APLF: variants seen among roughly 807,000 people sequenced by gnomAD.
APLF encodes the protein aprataxin and PNKP like factor, also known as aprataxin and PNK-like factor.
In APLF, 61 loss-of-function variants were observed where a neutral mutation model predicts 55.6. The observed-to-expected ratio is 1.10, with a 90% confidence interval of 0.89 to 1.36. The LOEUF is 1.36. APLF is among the 40% of genes most tolerant of loss of function. The pLI is 0.00. For synonymous variants in APLF, 207 were observed against 214.8 expected (o/e 0.96, Z 0.32); for missense variants, 611 against 602.5 (o/e 1.01, Z -0.15).
chr2:68,547,766 T>C (rs1670745726), intron 8 of APLF, among the ~76,000 whole-genome samples: 1 of 151,700 alleles, frequency 6.6e-6, no homozygotes, highest in African/African-American at 2.4e-5. Context: ...TGTTTGTAAA[T>C]TACCCAGTCT....
rs763294351 is a variant in APLF, at chr2:68,527,661, G to C, written c.804+1419G>C. ...GCGCTCCTCACTTCCCAGACAGGGC[G>C]GCGGCCTGGCAGAGGCACTTCTCAC... On this transcript the variant is annotated intron_variant, in intron 6 of 9. Coordinates refer to ENST00000303795, the MANE Select transcript of APLF (RefSeq NM_173545.3). 2.9e-4 allele frequency among the ~76,000 whole-genome samples: 44 copies of C among 149,530 alleles called. 1 individual carries two copies. Among genetic ancestry groups the C allele is most frequent in the Admixed American group, 2.0e-4 (3 of 15,080 alleles).
At chr2:68,519,028 T>C (rs1669798335) in intron 5 of APLF, among the ~76,000 whole-genome samples, 1 of 124,438 alleles carries the variant, frequency 8.0e-6, no homozygotes, top group South Asian at 2.2e-4. Context: ...ATATATAATA[T>C]ATGATTAATA....
At chr2:68,499,927 G>A (rs6761499) in intron 2 of APLF, among the ~76,000 whole-genome samples, 14,574 of 152,082 alleles carry the variant, frequency 0.096, 2,052 homozygotes, top group African/African-American at 0.31. Flanking sequence ...GGTGTTATTA[G>A]GTAATTGTCT....
intron 2 of APLF, among the ~76,000 whole-genome samples, chr2:68,495,774 C>T (rs541126781): frequency 6.6e-6 from 1 of 152,354 alleles, no homozygotes; most frequent in South Asian, 2.1e-4. Context: ...GTGGAGGCTG[C>T]CAAGAATCCA....
intron 6 of APLF, among the ~76,000 whole-genome samples, chr2:68,527,605 G>T (rs1282745135): frequency 8.3e-6 from 1 of 120,966 alleles, no homozygotes; most frequent in African/African-American, 3.2e-5. Context: ...GGCAGTCCTC[G>T]ATTCGCAGAC....
At chr2:68,518,611 T>TATATAATATGTC (rs1669748167) in intron 5 of APLF, among the ~76,000 whole-genome samples, 1 of 113,268 alleles carries the variant, frequency 8.8e-6, no homozygotes, top group African/African-American at 3.8e-5. Flanking sequence ...AATATATCAT[T>TATATAATATGTC]AATATATCAT....
intron 5 of APLF, among the ~76,000 whole-genome samples, chr2:68,517,215 GAT>G (rs1003220218): frequency 3.3e-5 from 4 of 121,964 alleles, no homozygotes; most frequent in South Asian, 2.4e-4. Flanking sequence ...ATATGTTATT[GAT>G]ATATATAAAT....
intron 6 of APLF, chr2:68,528,398 G>T: frequency 6.5e-7 from 1 of 1,534,390 alleles, no homozygotes; most frequent in Non-Finnish European, 8.7e-7. Context: ...AGATAGACAT[G>T]GAAGCTTAGC....
chr2:68,526,037 C>T (rs1020680235), intron 5 of APLF, 24 bp from the exon 6 acceptor site: 1 of 1,562,844 alleles, frequency 6.4e-7, no homozygotes, highest in Non-Finnish European at 8.6e-7. Flanking sequence ...AGATAATTTT[C>T]TTCTTTTTCT....
At chr2:68,562,654 T>C (rs1671201709) in intron 8 of APLF, among the ~76,000 whole-genome samples, 1 of 152,080 alleles carries the variant, frequency 6.6e-6, no homozygotes, top group African/African-American at 2.4e-5. Flanking sequence ...ACTTAGGTAG[T>C]AGTATAGAGT....
At chr2:68,574,080 T>TA (rs74533891) in intron 9 of APLF, among the ~76,000 whole-genome samples, 3,447 of 129,578 alleles carry the variant, frequency 0.027, 68 homozygotes, top group Non-Finnish European at 0.041. Flanking sequence ...TAACCCAAAT[T>TA]AAAAAAAAAA....
intron 5 of APLF, among the ~76,000 whole-genome samples, chr2:68,518,699 A>G (rs1397884389): frequency 2.4e-5 from 3 of 126,106 alleles, no homozygotes; most frequent in Non-Finnish European, 4.7e-5. Context: ...TCATTAATAT[A>G]TCATGAATAT....
chr2:68,482,688 T>A (rs953061000), intron 1 of APLF, among the ~76,000 whole-genome samples: 2 of 152,146 alleles, frequency 1.3e-5, no homozygotes, highest in African/African-American at 4.8e-5. Flanking sequence ...TTTATCCAGC[T>A]AGGAGTGCAG....
intron 7 of APLF, 27 bp downstream of exon 7, chr2:68,538,254 A>G: frequency 1.3e-6 from 2 of 1,548,838 alleles, no homozygotes; most frequent in Non-Finnish European, 8.7e-7. Flanking sequence ...GTAACATTTA[A>G]TTCCATTATT....
In APLF at chr2:68,467,655, G is replaced by C; in HGVS notation, c.-77G>C. On this transcript the variant is annotated 5_prime_UTR_variant, in exon 1 of 10. Transcript: ENST00000303795. The stretch of plus-strand genomic sequence containing the variant: ...GTGTTTTTTCCCAGGGCGTGGGCTT[G>C]CCCCGCGCGTGTCTGTGGAGGGCGG... The C allele has an allele frequency of 8.6e-7, 1 of 1,163,106 alleles. No homozygotes were observed. Among genetic ancestry groups the C allele is most frequent in the African/African-American group, 1.6e-5 (1 of 63,144 alleles). 72.0% of individuals were successfully genotyped at this position (1,163,106 alleles called of 1,614,324 possible).
chr2:68,476,121 T>G (rs937972772), intron 1 of APLF, among the ~76,000 whole-genome samples: 1 of 152,052 alleles, frequency 6.6e-6, no homozygotes, highest in African/African-American at 2.4e-5. Context: ...GGGAAAGCAC[T>G]GTAAATTGTG....
intron 8 of APLF, among the ~76,000 whole-genome samples, chr2:68,549,046 C>T (rs1465509604): frequency 1.3e-5 from 2 of 151,944 alleles, no homozygotes; most frequent in East Asian, 1.9e-4. Flanking sequence ...TATTCAATAT[C>T]CTGTCAAGTA....
intron 3 of APLF, among the ~76,000 whole-genome samples, chr2:68,512,705 C>A (rs942657636): frequency 2.6e-5 from 4 of 151,768 alleles, no homozygotes; most frequent in Non-Finnish European, 5.9e-5. Context: ...TTTCTCCAAA[C>A]GTCTAACTAG....
At chr2:68,546,489 C>T (rs1670709592) in intron 8 of APLF, among the ~76,000 whole-genome samples, 1 of 151,816 alleles carries the variant, frequency 6.6e-6, no homozygotes, top group Non-Finnish European at 1.5e-5. Context: ...GATAAGCTTA[C>T]TTTTGAACAT....
Sources: allele counts gnomAD v4.1 joint callset (sites outside exome capture counted in the v4.1 genomes callset), GRCh38; gene constraint gnomAD v4.1.1; transcripts MANE v1.5; gene names NCBI Gene and HGNC (gene_info 2026-07-23, HGNC 2026-07-21).